The following ESRRG variants were observed in gnomAD, a reference collection of about 807,000 sequenced individuals.
ESRRG encodes estrogen related receptor gamma, also known as estrogen-related receptor gamma.
Under a neutral mutation model 44.0 loss-of-function variants are expected in ESRRG, and 13 were observed. The ratio of observed to expected loss-of-function variants is 0.30; its 90% CI spans 0.19 to 0.47. The LOEUF is 0.47. Ranked by LOEUF, ESRRG falls within the 20% of genes least tolerant of loss-of-function variation. ESRRG has a pLI of 1.00. For synonymous variants in ESRRG, 215 were observed against 214.6 expected, an observed-to-expected ratio of 1.00 and a Z score of -0.02; for missense variants, 395 against 580.6, an observed-to-expected ratio of 0.68 and a Z score of 3.29.
At chr1:216,573,593 G>A (rs983668602) in intron 3 of ESRRG, among the ~76,000 whole-genome samples, 10 of 151,506 alleles carry the variant, frequency 6.6e-5, no homozygotes, top group Admixed American at 3.3e-4. Context: ...ATGATCGAAC[G>A]GTAAAATAAC....
chr1:216,805,880 A>G (rs1257908522), intron 2 of ESRRG, among the ~76,000 whole-genome samples: 1 of 152,156 alleles, frequency 6.6e-6, no homozygotes, highest in Non-Finnish European at 1.5e-5. Flanking sequence ...CCTGCTAGGG[A>G]CATAAGAGTG....
intron 2 of ESRRG, among the ~76,000 whole-genome samples, chr1:216,670,077 C>G (rs1362266310): frequency 6.6e-6 from 1 of 152,192 alleles, no homozygotes; most frequent in African/African-American, 2.4e-5. Flanking sequence ...CTACCAATTA[C>G]TATAAACTGA....
chr1:216,705,452 A>G (rs2082268988), intron 1 of ESRRG, among the ~76,000 whole-genome samples: 1 of 152,108 alleles, frequency 6.6e-6, no homozygotes, highest in Admixed American at 6.6e-5. Flanking sequence ...CAGTTGTTTT[A>G]TTTTGCTAAA....
intron 4 of ESRRG, among the ~76,000 whole-genome samples, chr1:216,567,345 C>G (rs1454894829): frequency 6.6e-6 from 1 of 152,100 alleles, no homozygotes; most frequent in East Asian, 1.9e-4. Flanking sequence ...AGCAATGTAC[C>G]AGTCATCCTT....
intron 2 of ESRRG, among the ~76,000 whole-genome samples, chr1:216,749,285 G>T (rs137941234): frequency 6.6e-6 from 1 of 152,022 alleles, no homozygotes; most frequent in South Asian, 2.1e-4. Context: ...ATGGTTTGTC[G>T]TGTCTCTCAG....
intron 2 of ESRRG, among the ~76,000 whole-genome samples, chr1:216,734,000 A>C (rs1284166451): frequency 6.6e-6 from 1 of 151,472 alleles, no homozygotes; most frequent in African/African-American, 2.4e-5. Flanking sequence ...AAAAAAAAAA[A>C]AAAAAAAACT....
At chr1:216,728,795 T>TAA (rs879747992) in intron 2 of ESRRG, among the ~76,000 whole-genome samples, 1 of 141,586 alleles carries the variant, frequency 7.1e-6, no homozygotes. Context: ...AAAGGACTAG[T>TAA]AAAAAAAAAA....
intron 2 of ESRRG, among the ~76,000 whole-genome samples, chr1:216,660,411 G>C (rs2071988467): frequency 6.6e-6 from 1 of 152,184 alleles, no homozygotes; most frequent in African/African-American, 2.4e-5. Flanking sequence ...TGTGATTAGA[G>C]ATTTAAGGCA....
chr1:217,050,190 T>A (rs2085653673), intron 1 of ESRRG, among the ~76,000 whole-genome samples: 1 of 152,078 alleles, frequency 6.6e-6, no homozygotes, highest in South Asian at 2.1e-4. Context: ...GCCAAGATAT[T>A]TGAGCTGGGG....
chr1:216,679,633 CTTT>C (rs369793478), intron 1 of ESRRG, among the ~76,000 whole-genome samples: 2 of 140,842 alleles, frequency 1.4e-5, no homozygotes, highest in African/African-American at 2.6e-5. Flanking sequence ...TTTTTTTTTT[CTTT>C]TTTTTTTTTT....
intron 1 of ESRRG, among the ~76,000 whole-genome samples, chr1:217,018,743 C>T (rs1211453382): frequency 6.6e-6 from 1 of 152,094 alleles, no homozygotes; most frequent in Non-Finnish European, 1.5e-5. Flanking sequence ...TTTGTCCATC[C>T]TCTCAAAAAA....
At chr1:217,002,301 AAAAAAAAAAAAAAGAAAGAAAG>A (rs1049909745) in intron 1 of ESRRG, among the ~76,000 whole-genome samples, 13 of 62,446 alleles carry the variant, frequency 2.1e-4, no homozygotes, top group African/African-American at 4.6e-4. Context: ...GATTCTGTCT[AAAAAAAAAAAAAAGAAAGAAAG>A]AAAAAAAAAA....
At chr1:216,695,341 TG>T (rs1458742730) in intron 1 of ESRRG, among the ~76,000 whole-genome samples, 9 of 152,054 alleles carry the variant, frequency 5.9e-5, no homozygotes, top group Non-Finnish European at 1.2e-4. Flanking sequence ...CAAATGAATA[TG>T]AGTAAAACTG....
intron 1 of ESRRG, among the ~76,000 whole-genome samples, chr1:216,951,845 AAC>A (rs1210788129): frequency 2.6e-5 from 4 of 151,498 alleles, no homozygotes; most frequent in South Asian, 4.2e-4. Flanking sequence ...TGCATAAGAA[AAC>A]ACACACACAG....
At chr1:216,572,257 T>C (rs10495030) in intron 3 of ESRRG, among the ~76,000 whole-genome samples, 21,623 of 152,038 alleles carry the variant, frequency 0.14, 2,063 homozygotes, top group Non-Finnish European at 0.21. Flanking sequence ...ATCAATTTAT[T>C]TAGTTACACT....
chr1:216,684,478 C>G (rs867219553), intron 1 of ESRRG, among the ~76,000 whole-genome samples: 1 of 152,102 alleles, frequency 6.6e-6, no homozygotes, highest in Admixed American at 6.5e-5. Context: ...GAGTTACTGA[C>G]AAATCAATAA....
chr1:216,989,220 G>A (rs561486136), intron 1 of ESRRG, among the ~76,000 whole-genome samples: 2 of 152,116 alleles, frequency 1.3e-5, no homozygotes, highest in South Asian at 4.2e-4. Context: ...GCTGAGGCGG[G>A]TGGATTGTTT....
intron 2 of ESRRG, among the ~76,000 whole-genome samples, chr1:216,902,465 G>A (rs2059194639): frequency 6.6e-6 from 1 of 151,164 alleles, no homozygotes; most frequent in South Asian, 2.1e-4. Flanking sequence ...TCCAGCCTAG[G>A]CAACAGAGTC....
At chr1:216,832,761 C>T (rs2095506125) in intron 2 of ESRRG, among the ~76,000 whole-genome samples, 1 of 152,020 alleles carries the variant, frequency 6.6e-6, no homozygotes, top group African/African-American at 2.4e-5. Flanking sequence ...GTCAAGAGTT[C>T]GAGACCAGCC....
Sources: allele counts gnomAD v4.1 joint callset (sites outside exome capture counted in the v4.1 genomes callset), GRCh38; gene constraint gnomAD v4.1.1; transcripts MANE v1.5; gene names NCBI Gene and HGNC (gene_info 2026-07-23, HGNC 2026-07-21).